Variants in MCC observed in about 807,000 individuals in gnomAD.
MCC encodes the protein colorectal mutant cancer protein.
MCC carries 90 observed loss-of-function variants against 116.2 expected under a neutral mutation model. That is an observed-to-expected ratio of 0.77 (90% CI 0.65 to 0.92). The LOEUF (loss-of-function observed/expected upper bound fraction) is 0.92. MCC is among the 40% of genes least tolerant of loss of function. The pLI is 0.00. For missense variants in MCC, 1,516 were observed against 1,312.2 expected (o/e 1.16, Z -2.40); for synonymous variants, 578 against 510.5 (o/e 1.13, Z -1.78).
intron 2 of MCC, among the ~76,000 whole-genome samples, chr5:113,343,818 A>G (rs1768069386): frequency 6.6e-6 from 1 of 152,214 alleles, no homozygotes; most frequent in African/African-American, 2.4e-5. Context: ...CTTTATGCAA[A>G]CATGAAGCCT....
chr5:113,268,625 C>G (rs946128034), intron 3 of MCC, among the ~76,000 whole-genome samples: 1 of 152,170 alleles, frequency 6.6e-6, no homozygotes, highest in African/African-American at 2.4e-5. Context: ...ATATACAAAG[C>G]GTCTCTCAAT....
intron 3 of MCC, among the ~76,000 whole-genome samples, chr5:113,229,176 A>AG (rs1184787037): frequency 6.6e-6 from 1 of 152,068 alleles, no homozygotes; most frequent in African/African-American, 2.4e-5. Flanking sequence ...GCGGATGGGG[A>AG]GGGGCTGAAG....
intron 1 of MCC, among the ~76,000 whole-genome samples, chr5:113,389,253 T>C (rs1382826128): frequency 1.3e-5 from 2 of 152,190 alleles, no homozygotes; most frequent in Non-Finnish European, 2.9e-5. Flanking sequence ...TGGCCTTCAA[T>C]GACGTACAGT....
intron 5 of MCC, among the ~76,000 whole-genome samples, chr5:113,132,269 AACCT>A (rs1247866597): frequency 6.6e-6 from 1 of 151,464 alleles, no homozygotes; most frequent in Non-Finnish European, 1.5e-5. Context: ...GATATCATGT[AACCT>A]ACCTATTAAA....
intron 3 of MCC, among the ~76,000 whole-genome samples, chr5:113,163,499 C>CT (rs11414022): frequency 0.32 from 48,390 of 151,714 alleles, 8,036 homozygotes; most frequent in African/African-American, 0.41. Context: ...CTCTTTCCTC[C>CT]TTTTTTCCTG....
chr5:113,150,941 G>A (rs1759824381), intron 4 of MCC, among the ~76,000 whole-genome samples: 1 of 152,138 alleles, frequency 6.6e-6, no homozygotes, highest in South Asian at 2.1e-4. Context: ...CTACTTGGGA[G>A]GCTGCGGTGT....
At chr5:113,062,006 T>C (rs1753259920) in intron 14 of MCC, among the ~76,000 whole-genome samples, 2 of 152,234 alleles carry the variant, frequency 1.3e-5, no homozygotes, top group Admixed American at 6.5e-5. Context: ...TCTAATTGCA[T>C]CAGGTTCTAA....
chr5:113,097,396 G>A (rs1298876423), intron 8 of MCC, among the ~76,000 whole-genome samples: 2 of 152,210 alleles, frequency 1.3e-5, no homozygotes, highest in African/African-American at 2.4e-5. Context: ...GAACATTATA[G>A]AGAAGTTTAA....
At chr5:113,164,039 G>C (rs1760642710) in intron 3 of MCC, among the ~76,000 whole-genome samples, 1 of 152,032 alleles carries the variant, frequency 6.6e-6, no homozygotes, top group South Asian at 2.1e-4. Flanking sequence ...TATTTACAAA[G>C]TCTTATGAAG....
At position 113,423,694 on chromosome 5, in the gene MCC, A is replaced by G. The variant is rs1267336697; in HGVS notation, c.171-38482T>C. Reference sequence around the variant, plus strand: ...GAGCCAGTGAATGCAGGTGACGTTCATAACAGGAGAATGAGTTGAAGGTGT... The same window carrying G: ...GAGCCAGTGAATGCAGGTGACGTTCGTAACAGGAGAATGAGTTGAAGGTGT... On this transcript the variant is annotated intron_variant, in intron 1 of 18. Transcript: ENST00000408903. 2.6e-5 allele frequency among the ~76,000 whole-genome samples: 4 copies of G among 152,304 alleles called. No homozygotes were observed. The South Asian group carries it at 8.3e-4, about 32-fold the overall frequency.
intron 14 of MCC, among the ~76,000 whole-genome samples, chr5:113,054,774 C>T (rs1188232485): frequency 6.6e-6 from 1 of 152,108 alleles, no homozygotes; most frequent in Non-Finnish European, 1.5e-5. Context: ...AGGCAGGGAG[C>T]CCCCAGCTGA....
chr5:113,036,980 C>T (rs1349679597), intron 17 of MCC, among the ~76,000 whole-genome samples: 1 of 152,172 alleles, frequency 6.6e-6, no homozygotes, highest in Non-Finnish European at 1.5e-5. Context: ...GAATTCTAAG[C>T]ACAACTTCCA....
rs149358469 is a variant in MCC at position 113,298,987 on chromosome 5, T to A, written c.627+41532A>T. Among the ~76,000 whole-genome samples, 116 of 152,204 alleles carry A rather than the reference T, an allele frequency of 7.6e-4. 1 individual carries two copies. In the Middle Eastern group the frequency reaches 0.014, roughly 18 times the overall value. On this transcript the variant is annotated intron_variant, in intron 3 of 18. Transcript: ENST00000408903. ...GTGGGACATGCTGAACCCCATTGCA[T>A]GTAAAGAGTAGGGCTTCCAGGCCGG...
chr5:113,134,555 CTTTTTTT>C lies in MCC; in HGVS notation c.884+8656_884+8662del. On this transcript the variant is annotated intron_variant, in intron 5 of 18. Transcript: ENST00000408903. The stretch of plus-strand genomic sequence containing the variant: ...TCAGGATTGGCTTTGGCTATTTGGG[CTTTTTTT>C]TTTTTTTTTTTTTTTTGTAGTTCTA... Among the ~76,000 whole-genome samples the C allele has an allele frequency of 5.3e-4, 16 of 30,122 alleles. No homozygotes were observed. In the South Asian group the frequency reaches 0.026, roughly 48 times the overall value. The allele number at this position is 30,122 out of a possible 152,430, so 19.8% of individuals were successfully genotyped here. A position where few individuals can be genotyped will look rare whatever the true frequency, so the allele number is the denominator to read the frequency against.
In MCC at chr5:113,053,944, T is replaced by C. The variant is rs770056984; in HGVS notation, c.2229A>G (p.Thr743=). 7 of 1,612,330 alleles carry C rather than the reference T, an allele frequency of 4.3e-6. No homozygotes were observed. Among genetic ancestry groups the C allele is most frequent in the South Asian group, 3.3e-5 (3 of 91,048 alleles). Residue 743 remains threonine (T), a synonymous_variant, in exon 15 of 19, where the codon ACA becomes ACG. Transcript: ENST00000408903. ...TGAACTCGGTGTCGCAACTACTGGCTGTGGAGCTGGTTGTGCTGAGAAAGA... is the reference window on the plus strand; with the variant it reads ...TGAACTCGGTGTCGCAACTACTGGCCGTGGAGCTGGTTGTGCTGAGAAAGA... ...SNSHTSTTSS[T]ASSCDTEFTK...
At chr5:113,411,375 T>G (rs1399109765) in intron 1 of MCC, among the ~76,000 whole-genome samples, 5 of 152,260 alleles carry the variant, frequency 3.3e-5, no homozygotes, top group African/African-American at 9.6e-5. Flanking sequence ...GAGCATTTTT[T>G]CATGTGTCTG....
At chr5:113,170,394 T>C (rs1761010244) in intron 3 of MCC, among the ~76,000 whole-genome samples, 1 of 152,138 alleles carries the variant, frequency 6.6e-6, no homozygotes, top group African/African-American at 2.4e-5. Context: ...GAAGGGACAT[T>C]TCCAAAATTT....
chr5:113,274,226 G>C (rs1765727420), intron 3 of MCC, among the ~76,000 whole-genome samples: 2 of 152,150 alleles, frequency 1.3e-5, no homozygotes, highest in Admixed American at 6.5e-5. Flanking sequence ...AATCAGATCT[G>C]GGTGTTAGAA....
chr5:113,235,106 T>C (rs1764080190), intron 3 of MCC, among the ~76,000 whole-genome samples: 1 of 152,192 alleles, frequency 6.6e-6, no homozygotes, highest in African/African-American at 2.4e-5. Flanking sequence ...GCTGATTCTG[T>C]TCCTAAAGCT....
Sources: allele counts gnomAD v4.1 joint callset (sites outside exome capture counted in the v4.1 genomes callset), GRCh38; gene constraint gnomAD v4.1.1; transcripts MANE v1.5; gene names NCBI Gene and HGNC (gene_info 2026-07-23, HGNC 2026-07-21).